Variants in RADIL observed in about 807,000 individuals in gnomAD.
RADIL encodes the protein ras-associating and dilute domain-containing protein.
RADIL carries 99 observed loss-of-function variants against 97.6 expected under a neutral mutation model. That is an observed-to-expected ratio of 1.01 (90% CI 0.86 to 1.20). The LOEUF is 1.20. Among genes scored for constraint, RADIL ranks in the 50% most tolerant of loss-of-function variants. RADIL has a pLI of 0.00. For missense variants in RADIL, 1,765 were observed against 1,498.9 expected (o/e 1.18, Z -2.93); for synonymous variants, 803 against 691.8 (o/e 1.16, Z -2.52).
intron 2 of RADIL, among the ~76,000 whole-genome samples, chr7:4,848,755 G>C (rs1783637129): frequency 6.6e-6 from 1 of 152,106 alleles, no homozygotes; most frequent in Non-Finnish European, 1.5e-5. Flanking sequence ...GTGGTGAAAA[G>C]ACCTAAGTTC....
At chr7:4,808,964 A>T (rs1583269291) in intron 9 of RADIL, 1 of 545,092 alleles carries the variant, frequency 1.8e-6, no homozygotes, top group East Asian at 3.3e-4. Flanking sequence ...TTCCGACGCC[A>T]CTGCCCCCGT....
At chr7:4,870,472 C>T (rs944086028) in intron 2 of RADIL, among the ~76,000 whole-genome samples, 65 of 152,090 alleles carry the variant, frequency 4.3e-4, no homozygotes, top group Non-Finnish European at 1.3e-4. Flanking sequence ...GATGGAGTCT[C>T]GCTCTCTTGC....
chr7:4,874,152 G>A (rs1000052134), intron 2 of RADIL, among the ~76,000 whole-genome samples: 5 of 152,226 alleles, frequency 3.3e-5, no homozygotes, highest in Non-Finnish European at 5.9e-5. Context: ...CGGAAAGGCC[G>A]TGCAGGTGTC....
At position 4,873,147 on chromosome 7, in the gene RADIL, G is replaced by A. The variant is rs1784293283; in HGVS notation, c.535+4458C>T. On this transcript the variant is annotated intron_variant, in intron 2 of 14. Coordinates refer to ENST00000399583, the MANE Select transcript of RADIL (RefSeq NM_018059.5). The surrounding 1 kb of genome is among the most constrained non-coding windows in gnomAD (Gnocchi z 4.3). ...GGGGTTTCACCATGTTGGTCAGACT[G>A]GTCTTGAACTCCTGACTTCAATTGA... Among the ~76,000 whole-genome samples, 1 of 152,126 alleles carries A rather than the reference G, an allele frequency of 6.6e-6. No homozygotes were observed. The highest frequency in any genetic ancestry group is 6.5e-5 in the Admixed American group (1 of 15,268).
Position 4,807,484 on chromosome 7 carries a change from C to A in RADIL, c.2140-1768G>T, listed in dbSNP as rs142325040. Among the ~76,000 whole-genome samples, 306 of 151,068 alleles carry A rather than the reference C, an allele frequency of 2.0e-3. 2 individuals are homozygous for A. Among genetic ancestry groups the A allele is most frequent in the African/African-American group, 4.5e-3 (184 of 41,052 alleles). ...CCTCCTTCTTCCCTCTCCTTCTCCC[C>A]CTCCCTCTGTCTGTCTCCTCTCCCT... is the stretch of plus-strand genomic sequence containing the variant. On this transcript the variant is annotated intron_variant, in intron 9 of 14. Transcript: ENST00000399583.
chr7:4,850,894 T>G (rs1220159592), intron 2 of RADIL, among the ~76,000 whole-genome samples: 1 of 152,054 alleles, frequency 6.6e-6, no homozygotes, highest in Non-Finnish European at 1.5e-5. Context: ...GCACTTGTAG[T>G]TGCAAGCAAT....
chr7:4,816,294 A>G lies in RADIL; in HGVS notation c.1900T>C (p.Ser634Pro). 7 of 1,612,744 alleles carry G rather than the reference A, an allele frequency of 4.3e-6. No homozygotes were observed. Among genetic ancestry groups the G allele is most frequent in the Non-Finnish European group, 5.9e-6 (7 of 1,179,882 alleles). Residue 634 changes from serine (S) to proline (P), a missense_variant, in exon 8 of 15, where the codon TCG (serine) becomes CCG (proline). By Grantham distance (74) the Ser-to-Pro change is moderately conservative (BLOSUM62 -1). Coordinates refer to ENST00000399583, the MANE Select transcript of RADIL (RefSeq NM_018059.5). ...AAGAAGAGGTAGGCGAGCATCTGCG[A>G]GGCCACCTCGGGGTGCACCTGCAGC... ...RQLQVHPEVA[S>P]QMLAYLFFFS... is the part of the protein sequence containing the mutation.
intron 2 of RADIL, among the ~76,000 whole-genome samples, chr7:4,863,707 A>G (rs956630711): frequency 6.6e-6 from 1 of 152,184 alleles, no homozygotes; most frequent in Non-Finnish European, 1.5e-5. Flanking sequence ...ATCTCCTTTC[A>G]CCAGGTAGCA....
At position 4,821,748 on chromosome 7, in the gene RADIL, CG is replaced by C. The variant is rs1782839096; in HGVS notation, c.1615+645del. On this transcript the variant is annotated intron_variant, in intron 6 of 14. Coordinates refer to ENST00000399583, the MANE Select transcript of RADIL (RefSeq NM_018059.5). The surrounding 1 kb of genome is among the most constrained non-coding windows in gnomAD (Gnocchi z 5.2). ...GCATGCTCCTGTAATCCCAGGTACT[CG>C]GGAGGCTGAGGCACGAGAATCGCTT... Among the ~76,000 whole-genome samples, 1 of 151,986 alleles carries C rather than the reference CG, an allele frequency of 6.6e-6. No individual in the cohort carries two copies. The highest frequency in any genetic ancestry group is 1.5e-5 in the Non-Finnish European group (1 of 68,014).
At position 4,872,011 on chromosome 7, in the gene RADIL, C is replaced by A. The variant is rs538449621; in HGVS notation, c.535+5594G>T. ...AACGCATGAATGCCAAGACTCTGCA[C>A]GTCACCATCCCTGAGACCCTGGGTT... is the stretch of plus-strand genomic sequence containing the variant. On this transcript the variant is annotated intron_variant, in intron 2 of 14. Transcript: ENST00000399583. This position sits in a 1 kb window ranked among gnomAD's most constrained non-coding sequence, Gnocchi z 5.8. 6.6e-6 allele frequency among the ~76,000 whole-genome samples: 1 copy of A among 152,318 alleles called. No individual in the cohort carries two copies. Among genetic ancestry groups the A allele is most frequent in the South Asian group, 2.1e-4 (1 of 4,826 alleles).
At position 4,799,134 on chromosome 7, in the gene RADIL, G is replaced by A. The variant is rs1412283871; in HGVS notation, c.*244C>T. On this transcript the variant is annotated 3_prime_UTR_variant, in exon 15 of 15. Transcript: ENST00000399583. ...AACGGGAAAAATAGTTTATTGAACC[G>A]TACTTCTCCATTGAAGTCTTTAAAC... 7 of 534,592 alleles carry A rather than the reference G, an allele frequency of 1.3e-5. No individual in the cohort carries two copies. Among genetic ancestry groups the A allele is most frequent in the East Asian group, 3.2e-5 (1 of 30,790 alleles). The allele number at this position is 534,592 out of a possible 1,614,324, so 33.1% of individuals were successfully genotyped here. A position where few individuals can be genotyped will look rare whatever the true frequency, so the allele number is the denominator to read the frequency against.
At chr7:4,808,574 G>T (rs1172832544) in intron 9 of RADIL, 2 of 976,562 alleles carry the variant, frequency 2.0e-6, no homozygotes, top group East Asian at 1.1e-4. Context: ...AAAAGCGGCC[G>T]CAAAGCCCGA....
At chr7:4,836,110 C>T (rs1362512327) in intron 3 of RADIL, among the ~76,000 whole-genome samples, 1 of 152,234 alleles carries the variant, frequency 6.6e-6, no homozygotes, top group African/African-American at 2.4e-5. Flanking sequence ...GTGCTGAGGG[C>T]ACCCACTCTG....
intron 2 of RADIL, among the ~76,000 whole-genome samples, chr7:4,856,311 T>C (rs1454823939): frequency 1.3e-5 from 2 of 151,922 alleles, no homozygotes; most frequent in Non-Finnish European, 2.9e-5. Context: ...GTTTTTGCCA[T>C]GTTGCCCAGG....
intron 2 of RADIL, among the ~76,000 whole-genome samples, chr7:4,863,433 G>C (rs1250009144): frequency 6.6e-6 from 1 of 152,096 alleles, no homozygotes; most frequent in Non-Finnish European, 1.5e-5. Context: ...TTGTAATTTT[G>C]GATTGTGAGC....
At chr7:4,869,213 G>T (rs1427055278) in intron 2 of RADIL, among the ~76,000 whole-genome samples, 1 of 152,178 alleles carries the variant, frequency 6.6e-6, no homozygotes, top group Non-Finnish European at 1.5e-5. Context: ...GCTCACTGCA[G>T]CCTTGACCTT....
chr7:4,803,341 T>TGG (rs1763832350), intron 11 of RADIL, among the ~76,000 whole-genome samples: 1 of 47,254 alleles, frequency 2.1e-5, no homozygotes, highest in Non-Finnish European at 3.7e-5. Context: ...GCTGGCTGGG[T>TGG]CCCCTCCCCG....
At chr7:4,802,764 C>A (rs1184123560) in intron 11 of RADIL, among the ~76,000 whole-genome samples, 1 of 106,650 alleles carries the variant, frequency 9.4e-6, no homozygotes, top group African/African-American at 4.0e-5. Context: ...CACCTCGGGG[C>A]ACGCTGGCTG....
intron 2 of RADIL, among the ~76,000 whole-genome samples, chr7:4,855,740 C>T (rs938800733): frequency 2.0e-5 from 3 of 151,558 alleles, no homozygotes; most frequent in African/African-American, 7.3e-5. Flanking sequence ...GCTCCTCTTC[C>T]GTGAAGTGCT....
Sources: allele counts gnomAD v4.1 joint callset (sites outside exome capture counted in the v4.1 genomes callset), GRCh38; gene constraint gnomAD v4.1.1; non-coding constraint Gnocchi (gnomAD v3.1); transcripts MANE v1.5; gene names NCBI Gene and HGNC (gene_info 2026-07-23, HGNC 2026-07-21).